Variants in KIAA1549L observed in about 807,000 individuals in gnomAD.
The protein encoded by KIAA1549L is UPF0606 protein KIAA1549L.
KIAA1549L carries 88 observed loss-of-function variants against 160.7 expected under a neutral mutation model. The ratio of observed to expected loss-of-function variants is 0.55; its 90% CI spans 0.46 to 0.65. The LOEUF (loss-of-function observed/expected upper bound fraction) is 0.65, where lower values mean the gene tolerates loss of function less well. Among genes scored for constraint, KIAA1549L ranks in the 30% least tolerant of loss-of-function variants. The pLI, the probability that KIAA1549L is intolerant of heterozygous loss-of-function variation, is 0.00. For missense variants in KIAA1549L, 2,258 were observed against 2,437.5 expected (o/e 0.93, Z 1.55); for synonymous variants, 950 against 976.7 (o/e 0.97, Z 0.51).
At chr11:33,486,734 A>G (rs934573811) in intron 1 of KIAA1549L, among the ~76,000 whole-genome samples, 1 of 151,970 alleles carries the variant, frequency 6.6e-6, no homozygotes, top group Non-Finnish European at 1.5e-5. Flanking sequence ...TCAAATGTCA[A>G]GGTCTTTCCA....
At position 33,658,796 on chromosome 11, in the gene KIAA1549L, G is replaced by A. The variant is rs868031864; in HGVS notation, c.5905G>A (p.Gly1969Arg). 4 of 1,568,766 alleles carry A rather than the reference G, an allele frequency of 2.5e-6. No individual in the cohort carries two copies. The Admixed American group carries it at 5.5e-5, about 22-fold the overall frequency. ...GSKTRMAESTGPEPAQLHDSA... is the reference protein window; with the variant it reads ...GSKTRMAESTRPEPAQLHDSA... Reference sequence around the variant, plus strand: ...CAAGACCAGAATGGCCGAGTCTACAGGGCCCGAGCCGGCCCAGCTGCACGA... The same window carrying A: ...CAAGACCAGAATGGCCGAGTCTACAAGGCCCGAGCCGGCCCAGCTGCACGA... The change falls in exon 19 of 21, where the codon GGG (glycine) becomes AGG (arginine). Residue 1969 changes from glycine to arginine, a missense_variant. Physicochemically the swap from Gly to Arg is moderately radical, Grantham distance 125. Transcript: ENST00000658780.
chr11:33,654,836 T>C (rs1852009409), intron 17 of KIAA1549L, among the ~76,000 whole-genome samples: 2 of 152,226 alleles, frequency 1.3e-5, no homozygotes, highest in Non-Finnish European at 1.5e-5. Context: ...GTAGGTTTAA[T>C]CCTGGACCTC....
At chr11:33,616,060 G>T (rs558769067) in intron 15 of KIAA1549L, among the ~76,000 whole-genome samples, 1 of 152,292 alleles carries the variant, frequency 6.6e-6, no homozygotes, top group East Asian at 1.9e-4. Context: ...ATTAGAGTTA[G>T]TCAGACTTCT....
chr11:33,409,761 C>T (rs944912005), intron 1 of KIAA1549L, among the ~76,000 whole-genome samples: 1 of 123,770 alleles, frequency 8.1e-6, no homozygotes, highest in African/African-American at 2.9e-5. Context: ...TATGTGTTCT[C>T]ACCTCTTTTT....
intron 1 of KIAA1549L, among the ~76,000 whole-genome samples, chr11:33,417,148 T>G (rs1272518822): frequency 3.9e-5 from 6 of 152,224 alleles, no homozygotes; most frequent in African/African-American, 1.4e-4. Flanking sequence ...CAATCTTTAT[T>G]AATTTAAATT....
At chr11:33,506,871 C>T (rs1041490332) in intron 1 of KIAA1549L, among the ~76,000 whole-genome samples, 5 of 152,116 alleles carry the variant, frequency 3.3e-5, no homozygotes, top group African/African-American at 7.2e-5. Context: ...TTCAATGTCA[C>T]AGTTCAGTTT....
intron 17 of KIAA1549L, 147 bp downstream of exon 17, chr11:33,646,183 C>T: frequency 1.5e-6 from 1 of 662,994 alleles, no homozygotes; most frequent in Non-Finnish European, 2.6e-6. Flanking sequence ...ATCATCCCAT[C>T]TTCCACCCAT....
intron 1 of KIAA1549L, among the ~76,000 whole-genome samples, chr11:33,488,199 C>T (rs187024686): frequency 2.0e-5 from 3 of 152,304 alleles, no homozygotes; most frequent in Admixed American, 6.5e-5. Flanking sequence ...TTGTAATGCT[C>T]AAACTCAAAG....
chr11:33,585,541 A>G (rs549804144), intron 11 of KIAA1549L, among the ~76,000 whole-genome samples: 13 of 152,298 alleles, frequency 8.5e-5, no homozygotes, highest in Middle Eastern at 6.8e-3. Flanking sequence ...AATAAAAAAT[A>G]AAAAGAGTGT....
chr11:33,644,124 T>C (rs947934132), intron 16 of KIAA1549L, among the ~76,000 whole-genome samples: 3 of 152,212 alleles, frequency 2.0e-5, no homozygotes, highest in African/African-American at 7.2e-5. Context: ...AATATTACAA[T>C]ATTTTAAATT....
At chr11:33,504,528 G>A (rs1374129812) in intron 1 of KIAA1549L, among the ~76,000 whole-genome samples, 1 of 151,924 alleles carries the variant, frequency 6.6e-6, no homozygotes, top group African/African-American at 2.4e-5. Context: ...AGCGTAGTGA[G>A]GTGATCTTGG....
chr11:33,658,883 G>A lies in KIAA1549L; in HGVS notation c.5992G>A (p.Ala1998Thr). The change falls in exon 19 of 21, where the codon GCT becomes ACT. Residue 1998 changes from alanine (A) to threonine (T), a missense_variant. Transcript: ENST00000658780. ...GTCCGTGACGCAGTTGGATCAGTCGGCTTTAAATTACTCAGGTGGGCAAGA... is the reference window on the plus strand; with the variant it reads ...GTCCGTGACGCAGTTGGATCAGTCGACTTTAAATTACTCAGGTGGGCAAGA... Reference protein sequence around the residue: ...PVSVTQLDQSALNYSGNTVPA... With the variant: ...PVSVTQLDQSTLNYSGNTVPA... 6.4e-7 allele frequency: 1 copy of A among 1,556,492 alleles called. No homozygotes were observed. The highest frequency in any genetic ancestry group is 8.7e-7 in the Non-Finnish European group (1 of 1,150,008).
intron 1 of KIAA1549L, among the ~76,000 whole-genome samples, chr11:33,457,026 A>G (rs1343791942): frequency 2.6e-5 from 4 of 152,190 alleles, no homozygotes; most frequent in African/African-American, 9.7e-5. Context: ...ACGGATGAGA[A>G]TCTGGACATT....
At chr11:33,562,642 G>A (rs183863879) in intron 8 of KIAA1549L, among the ~76,000 whole-genome samples, 1 of 150,996 alleles carries the variant, frequency 6.6e-6, no homozygotes, top group East Asian at 1.9e-4. Context: ...TTGAATTAGG[G>A]CTCCCCAGTA....
intron 1 of KIAA1549L, among the ~76,000 whole-genome samples, chr11:33,414,362 A>C (rs1197051715): frequency 1.3e-5 from 2 of 152,220 alleles, no homozygotes; most frequent in Non-Finnish European, 2.9e-5. Context: ...TGTGATGCAT[A>C]GTATCTATTA....
intron 1 of KIAA1549L, among the ~76,000 whole-genome samples, chr11:33,383,844 C>T (rs1850121153): frequency 6.6e-6 from 1 of 152,226 alleles, no homozygotes; most frequent in African/African-American, 2.4e-5. Context: ...CAAGAAAAGG[C>T]AGATCTTTAT....
At chr11:33,532,092 C>T (rs1426719516) in intron 1 of KIAA1549L, among the ~76,000 whole-genome samples, 1 of 152,186 alleles carries the variant, frequency 6.6e-6, no homozygotes, top group Non-Finnish European at 1.5e-5. Flanking sequence ...CTGAGTCACA[C>T]TAGGCTGCAG....
chr11:33,645,571 A>C (rs766160973), intron 16 of KIAA1549L, 115 bp from the exon 17 acceptor site: 43 of 768,954 alleles, frequency 5.6e-5, no homozygotes, highest in Non-Finnish European at 8.9e-5. Flanking sequence ...GATATAATTT[A>C]AATTAGCACA....
intron 1 of KIAA1549L, among the ~76,000 whole-genome samples, chr11:33,408,510 T>TATATATAC (rs58439063): frequency 0.013 from 1,914 of 146,002 alleles, 22 homozygotes; most frequent in Non-Finnish European, 0.021. Flanking sequence ...TATATATATA[T>TATATATAC]ACACATGTAT....
Sources: gnomAD v4.1 joint callset for allele counts (sites outside exome capture counted in the v4.1 genomes callset) on GRCh38, gnomAD v4.1.1 for gene constraint, MANE v1.5 for transcripts, NCBI Gene and HGNC (gene_info 2026-07-23, HGNC 2026-07-21) for gene names.